SPG11: variants seen among roughly 807,000 people sequenced by gnomAD.
The protein encoded by SPG11 is spatacsin.
A neutral mutation model predicts 274.0 loss-of-function variants in SPG11; 222 were observed. That is an observed-to-expected ratio of 0.81 (90% CI 0.73 to 0.91). The LOEUF (loss-of-function observed/expected upper bound fraction) is 0.91. SPG11 is among the 40% of genes least tolerant of loss of function. The probability of loss-of-function intolerance (pLI) is 0.00; values close to 1 mark genes in which losing one functional copy is unlikely to be tolerated. For synonymous variants in SPG11, 1,144 were observed against 1,039.7 expected, an observed-to-expected ratio of 1.10 and a Z score of -1.93; for missense variants, 3,114 against 2,872.7, an observed-to-expected ratio of 1.08 and a Z score of -1.92.
intron 10 of SPG11, among the ~76,000 whole-genome samples, chr15:44,628,354 C>T (rs945103881): frequency 6.6e-6 from 1 of 152,204 alleles, no homozygotes; most frequent in Admixed American, 6.5e-5. Flanking sequence ...TCCAAAGCAC[C>T]AGGCTTGAGC....
At position 44,571,496 on chromosome 15, in the gene SPG11, CT is replaced by C. The variant is rs796235342; in HGVS notation, c.6344-839del. Reference sequence around the variant, plus strand: ...GGCTATTTTTATTTAAATTTCTTTTCTTTTTTTTTTTTTTTTTTTGAGATGG... The same window carrying C: ...GGCTATTTTTATTTAAATTTCTTTTCTTTTTTTTTTTTTTTTTTGAGATGG... On this transcript the variant is annotated intron_variant, in intron 33 of 39. Transcript: ENST00000261866. Among the ~76,000 whole-genome samples, 925 of 126,126 alleles carry C rather than the reference CT, an allele frequency of 7.3e-3. 8 individuals carry two copies. Among genetic ancestry groups the C allele is most frequent in the African/African-American group, 0.021 (723 of 33,926 alleles). The allele number at this position is 126,126 out of a possible 152,430, so 82.7% of individuals were successfully genotyped here.
In SPG11 at chr15:44,638,500, ACC is replaced by A. The variant is rs11479753; in HGVS notation, c.1603-4865_1603-4864del. ...AACAAACAACAAAAAAAACCACAAA[ACC>A]CCCCCCCCCAACACACACAACAAAA... is the stretch of plus-strand genomic sequence containing the variant. On this transcript the variant is annotated intron_variant, in intron 7 of 39. Transcript: ENST00000261866. 6.2e-3 allele frequency among the ~76,000 whole-genome samples: 797 copies of A among 129,032 alleles called. 4 individuals carry two copies. The highest frequency in any genetic ancestry group is 9.9e-3 in the South Asian group (37 of 3,732). 84.7% of individuals were successfully genotyped at this position (129,032 alleles called of 152,430 possible). A position where few individuals can be genotyped will look rare whatever the true frequency, so the allele number is the denominator to read the frequency against.
At chr15:44,617,610 T>G (rs1181972184) in intron 15 of SPG11, among the ~76,000 whole-genome samples, 1 of 152,146 alleles carries the variant, frequency 6.6e-6, no homozygotes, top group East Asian at 1.9e-4. Flanking sequence ...TGCTACAGCT[T>G]TAGAATAAGT....
At chr15:44,631,617 A>G (rs1218654305) in intron 8 of SPG11, among the ~76,000 whole-genome samples, 1 of 151,744 alleles carries the variant, frequency 6.6e-6, no homozygotes, top group African/African-American at 2.4e-5. Flanking sequence ...GAGAGACAGA[A>G]TAATACAAAA....
chr15:44,570,534 A>G lies in SPG11; in HGVS notation c.6468T>C (p.Tyr2156=), dbSNP rs146240471. The change falls in exon 34 of 40, where the codon TAT becomes TAC. Residue 2156 remains tyrosine (Y), a synonymous_variant. Transcript: ENST00000261866. ...TDNHLAPSEE[Y]GLVVRLLTGI... ...TGAGGGGGCTACTTACCACCAGCCC[A>G]TACTCCTCACTGGGGGCCAGGTGGT... is the stretch of plus-strand genomic sequence containing the variant. 1.9e-6 allele frequency: 3 copies of G among 1,613,994 alleles called. No homozygotes were observed. Among genetic ancestry groups the G allele is most frequent in the Non-Finnish European group, 2.5e-6 (3 of 1,179,982 alleles).
At chr15:44,654,617 A>C (rs2084883475) in intron 4 of SPG11, among the ~76,000 whole-genome samples, 1 of 152,198 alleles carries the variant, frequency 6.6e-6, no homozygotes, top group Non-Finnish European at 1.5e-5. Context: ...AGGTGGGCGG[A>C]TCATCTGAGG....
rs755786903 is a variant in SPG11, at chr15:44,563,315, CAT to C, written c.7152-16_7152-15del. On this transcript the variant is annotated splice_polypyrimidine_tract_variant and intron_variant, in intron 39 of 39. Coordinates refer to ENST00000261866, the MANE Select transcript of SPG11 (RefSeq NM_025137.4). ...TGTTGTTTATATCTAGATAAAGAAA[CAT>C]AATGTACAGGTTAAGATACTGTTTT... 1.3e-5 allele frequency: 21 copies of C among 1,607,204 alleles called. No individual in the cohort carries two copies. Among genetic ancestry groups the C allele is most frequent in the Admixed American group, 1.2e-4 (7 of 59,982 alleles).
chr15:44,614,865 T>C (rs779768790), intron 16 of SPG11, among the ~76,000 whole-genome samples: 5 of 152,230 alleles, frequency 3.3e-5, no homozygotes, highest in African/African-American at 4.8e-5. Flanking sequence ...GCCACAGATA[T>C]GATTCTGCGG....
rs1428043751 is a variant in SPG11 at position 44,585,576 on chromosome 15, T to C, written c.5121+60A>G. On this transcript the variant is annotated intron_variant, in intron 29 of 39. Transcript: ENST00000261866. ...GAGATCGCGCCACTGCACTCCAGCC[T>C]GGGTGACAGAGCAAGACCCCGTATC... 8 of 1,426,830 alleles carry C rather than the reference T, an allele frequency of 5.6e-6. No homozygotes were observed. In the African/African-American group the frequency reaches 1.2e-4, roughly 21 times the overall value. The allele number at this position is 1,426,830 out of a possible 1,614,324, so 88.4% of individuals were successfully genotyped here.
Position 44,563,326 on chromosome 15 carries a change from G to C in SPG11, c.7152-25C>G, listed in dbSNP as rs750450597. 1.9e-6 allele frequency: 3 copies of C among 1,600,576 alleles called. No individual in the cohort carries two copies. The Admixed American group carries it at 5.0e-5, about 27-fold the overall frequency. On this transcript the variant is annotated intron_variant, in intron 39 of 39. Transcript: ENST00000261866. Reference sequence around the variant, plus strand: ...TCTAGATAAAGAAACATAATGTACAGGTTAAGATACTGTTTTTTGTTTTGT... The same window carrying C: ...TCTAGATAAAGAAACATAATGTACACGTTAAGATACTGTTTTTTGTTTTGT...
At chr15:44,572,408 CA>C in intron 33 of SPG11, 1 of 427,914 alleles carries the variant, frequency 2.3e-6, no homozygotes, top group South Asian at 2.1e-5. Flanking sequence ...TTCTAGGGGA[CA>C]ATAACGTTCT....
intron 12 of SPG11, 107 bp from the exon 13 acceptor site, chr15:44,622,454 T>TA (rs913273020): frequency 7.1e-6 from 7 of 988,724 alleles, no homozygotes; most frequent in African/African-American, 3.3e-5. Flanking sequence ...TAAAGATTAT[T>TA]AAAAAAAGTC....
intron 27 of SPG11, 81 bp downstream of exon 27, chr15:44,592,250 G>C: frequency 1.2e-6 from 1 of 836,546 alleles, no homozygotes; most frequent in Non-Finnish European, 2.1e-6. Flanking sequence ...GAGACACCAA[G>C]TCTTTAAACA....
At chr15:44,594,145 G>T (rs922928443) in intron 26 of SPG11, among the ~76,000 whole-genome samples, 1 of 151,712 alleles carries the variant, frequency 6.6e-6, no homozygotes, top group African/African-American at 2.4e-5. Flanking sequence ...GCACCCTGAG[G>T]CTTGGAGCGG....
At chr15:44,631,454 T>C (rs1262528942) in intron 8 of SPG11, among the ~76,000 whole-genome samples, 2 of 152,208 alleles carry the variant, frequency 1.3e-5, no homozygotes, top group East Asian at 3.8e-4. Flanking sequence ...AACTCTAGAA[T>C]GTGGCAACAC....
rs754488044 is a variant in SPG11, at chr15:44,595,471, TAAATA to T, written c.4435-17_4435-13del. 3.7e-6 allele frequency: 6 copies of T among 1,613,350 alleles called. No individual in the cohort carries two copies. The highest frequency in any genetic ancestry group is 2.2e-5 in the East Asian group (1 of 44,876). On this transcript the variant is annotated splice_polypyrimidine_tract_variant and intron_variant, in intron 25 of 39. Coordinates refer to ENST00000261866, the MANE Select transcript of SPG11 (RefSeq NM_025137.4). ...ATGGCACTGGCACCCTGCCACGGGATAAATAAAATAACAACTAGGCCTGGATTACC... is the reference window on the plus strand; with the variant it reads ...ATGGCACTGGCACCCTGCCACGGGATAAATAACAACTAGGCCTGGATTACC...
chr15:44,648,710 T>C (rs1435820809), intron 7 of SPG11, among the ~76,000 whole-genome samples, 156 bp downstream of exon 7: 1 of 152,164 alleles, frequency 6.6e-6, no homozygotes, highest in Admixed American at 6.6e-5. Context: ...TAAGCAGAGT[T>C]AGGGTAATGA....
At chr15:44,636,766 A>G (rs1166069003) in intron 7 of SPG11, among the ~76,000 whole-genome samples, 1 of 151,678 alleles carries the variant, frequency 6.6e-6, no homozygotes, top group Non-Finnish European at 1.5e-5. Flanking sequence ...CCTCTACTAA[A>G]AATACAAGAA....
chr15:44,596,251 T>A lies in SPG11; in HGVS notation c.4266A>T (p.Gln1422His). The A allele has an allele frequency of 1.9e-6, 3 of 1,614,160 alleles. No individual in the cohort carries two copies. The highest frequency in any genetic ancestry group is 2.5e-6 in the Non-Finnish European group (3 of 1,180,010). The change falls in exon 25 of 40, where the codon CAA (glutamine) becomes CAT (histidine). Residue 1422 changes from glutamine (Q) to histidine (H), a missense_variant. Physicochemically the swap from Gln to His is conservative, Grantham distance 24. Coordinates refer to ENST00000261866, the MANE Select transcript of SPG11 (RefSeq NM_025137.4). ...SVPTSKMDSD[Q>H]VCNKCPQELQ... ...GTTCCTGGGGGCACTTATTGCAGAC[T>A]TGATCGCTGTCCATTTTGGAGGTGG...
Sources: allele counts gnomAD v4.1 joint callset (sites outside exome capture counted in the v4.1 genomes callset), GRCh38; gene constraint gnomAD v4.1.1; transcripts MANE v1.5; gene names NCBI Gene and HGNC (gene_info 2026-07-23, HGNC 2026-07-21).